The following LIX1 variants were observed in gnomAD, a reference collection of about 807,000 sequenced individuals.
The protein encoded by LIX1 is limb and CNS expressed 1.
In LIX1, 24 loss-of-function variants were observed where a neutral mutation model predicts 33.4. That is an observed-to-expected ratio of 0.72 (90% CI 0.52 to 1.01). LIX1 has a LOEUF of 1.01. LIX1 is among the 50% of genes least tolerant of loss of function. The pLI is 0.00. For missense variants in LIX1, 311 were observed against 339.2 expected (o/e 0.92, Z 0.65); for synonymous variants, 124 against 124.0 (o/e 1.00, Z 0.00).
intron 4 of LIX1, among the ~76,000 whole-genome samples, chr5:97,103,805 A>C (rs1375909713): frequency 1.3e-5 from 2 of 152,176 alleles, no homozygotes; most frequent in East Asian, 1.9e-4. Context: ...CTCTACTAAA[A>C]ATACAAAAAA....
At chr5:97,125,826 A>C (rs964657701) in intron 1 of LIX1, among the ~76,000 whole-genome samples, 3 of 152,220 alleles carry the variant, frequency 2.0e-5, no homozygotes, top group Admixed American at 2.0e-4. Flanking sequence ...CCATTTAGGG[A>C]CAATGAATGT....
chr5:97,129,128 CT>C (rs1403621627), intron 1 of LIX1, among the ~76,000 whole-genome samples: 3 of 152,204 alleles, frequency 2.0e-5, no homozygotes, highest in Non-Finnish European at 4.4e-5. Flanking sequence ...TCTTATGCTT[CT>C]CAAAAGCCAG....
At chr5:97,097,307 G>T (rs75526892) in intron 4 of LIX1, among the ~76,000 whole-genome samples, 178 of 152,308 alleles carry the variant, frequency 1.2e-3, no homozygotes, top group African/African-American at 4.1e-3. Context: ...AATGGCTAAA[G>T]TATGATATAT....
chr5:97,117,503 T>C (rs1330567590), intron 2 of LIX1, among the ~76,000 whole-genome samples: 4 of 152,202 alleles, frequency 2.6e-5, no homozygotes, highest in African/African-American at 9.7e-5. Flanking sequence ...TTCTTAGTCA[T>C]TCTCTACTGG....
intron 2 of LIX1, among the ~76,000 whole-genome samples, chr5:97,120,567 G>T (rs1302161596): frequency 6.6e-6 from 1 of 152,204 alleles, no homozygotes; most frequent in Non-Finnish European, 1.5e-5. Context: ...AGTCCTGGAA[G>T]ATGGTCAGGG....
intron 1 of LIX1, among the ~76,000 whole-genome samples, chr5:97,137,964 C>G (rs1490303332): frequency 6.6e-6 from 1 of 152,160 alleles, no homozygotes; most frequent in Non-Finnish European, 1.5e-5. Flanking sequence ...TTCATGATTA[C>G]TAAGATGTTT....
rs1401239859 is a variant in LIX1 at position 97,112,403 on chromosome 5, G to A, written c.247-4903C>T. 3.3e-5 allele frequency among the ~76,000 whole-genome samples: 5 copies of A among 152,200 alleles called. No individual in the cohort carries two copies. In the East Asian group the frequency reaches 9.6e-4, roughly 29 times the overall value. ...CCAGTCGTCAAAGACATCGGTTGGG[G>A]AGCGAGTGAAGTATGATGTTATTTC... On this transcript the variant is annotated intron_variant, in intron 2 of 5. Transcript: ENST00000274382.
intron 2 of LIX1, among the ~76,000 whole-genome samples, chr5:97,109,745 C>G (rs1747274566): frequency 6.6e-6 from 1 of 151,900 alleles, no homozygotes; most frequent in South Asian, 2.1e-4. Context: ...CACCCCCCTC[C>G]CAATCTTCTC....
Position 97,118,827 on chromosome 5 carries a change from T to TTCTC in LIX1, c.246+5635_246+5638dup, listed in dbSNP as rs1010414207. On this transcript the variant is annotated intron_variant, in intron 2 of 5. Coordinates refer to ENST00000274382, the MANE Select transcript of LIX1 (RefSeq NM_153234.5). ...GTCTAAAGGCAGGGCTATGGCTGCT[T>TTCTC]TCTCTCTCTCTCTCTCTTTCATTCT... 2.0e-5 allele frequency among the ~76,000 whole-genome samples: 3 copies of TTCTC among 151,374 alleles called. No homozygotes were observed. In the East Asian group the frequency reaches 5.8e-4, roughly 29 times the overall value.
At chr5:97,113,251 T>C (rs997612275) in intron 2 of LIX1, among the ~76,000 whole-genome samples, 1 of 152,168 alleles carries the variant, frequency 6.6e-6, no homozygotes, top group African/African-American at 2.4e-5. Flanking sequence ...AGCTGACAGA[T>C]TACCAAAAGC....
intron 2 of LIX1, 118 bp downstream of exon 2, chr5:97,124,348 T>C: frequency 1.2e-6 from 1 of 814,422 alleles, no homozygotes; most frequent in Non-Finnish European, 1.8e-6. Context: ...ATTCATAGGA[T>C]ATGGTACAAC....
chr5:97,106,763 C>G (rs536842306), intron 3 of LIX1, among the ~76,000 whole-genome samples: 1 of 152,176 alleles, frequency 6.6e-6, no homozygotes, highest in African/African-American at 2.4e-5. Flanking sequence ...TCTTAAAGCA[C>G]TTTGCATTTA....
chr5:97,142,081 A>G (rs1024999074), intron 1 of LIX1, among the ~76,000 whole-genome samples: 4 of 152,248 alleles, frequency 2.6e-5, no homozygotes, highest in Non-Finnish European at 5.9e-5. Flanking sequence ...CAAACACGAT[A>G]CTTGAATTAA....
chr5:97,141,053 CT>C (rs1748275261), intron 1 of LIX1, among the ~76,000 whole-genome samples: 1 of 152,130 alleles, frequency 6.6e-6, no homozygotes, highest in South Asian at 2.1e-4. Flanking sequence ...TTTAGTTCAG[CT>C]AAAAAATGAG....
intron 5 of LIX1, 55 bp from the exon 6 acceptor site, chr5:97,095,090 G>A (rs996400149): frequency 7.3e-6 from 11 of 1,499,920 alleles, no homozygotes; most frequent in South Asian, 6.0e-5. Flanking sequence ...AAAGGCACCC[G>A]TCCACATGCC....
intron 1 of LIX1, among the ~76,000 whole-genome samples, chr5:97,125,272 A>G (rs902774122): frequency 6.6e-6 from 1 of 152,252 alleles, no homozygotes; most frequent in Non-Finnish European, 1.5e-5. Flanking sequence ...CTAGAGCCAT[A>G]TGTTTTAGAT....
At chr5:97,131,906 A>C (rs1000208626) in intron 1 of LIX1, among the ~76,000 whole-genome samples, 1 of 152,206 alleles carries the variant, frequency 6.6e-6, no homozygotes, top group African/African-American at 2.4e-5. Context: ...TGGGGATGGC[A>C]AAGTGGGTAG....
At chr5:97,132,782 G>A (rs1748084743) in intron 1 of LIX1, among the ~76,000 whole-genome samples, 1 of 152,192 alleles carries the variant, frequency 6.6e-6, no homozygotes, top group Admixed American at 6.5e-5. Context: ...GAGAATGTGT[G>A]GTTGCTCTTG....
At chr5:97,100,490 T>C (rs1034293830) in intron 4 of LIX1, among the ~76,000 whole-genome samples, 8 of 152,220 alleles carry the variant, frequency 5.3e-5, no homozygotes, top group Non-Finnish European at 1.2e-4. Flanking sequence ...CATCTTGCCA[T>C]CATTATATAA....
Sources: allele counts gnomAD v4.1 joint callset (sites outside exome capture counted in the v4.1 genomes callset), GRCh38; gene constraint gnomAD v4.1.1; transcripts MANE v1.5; gene names NCBI Gene and HGNC (gene_info 2026-07-23, HGNC 2026-07-21).